The following NDC80 variants were observed in gnomAD, a reference collection of about 807,000 sequenced individuals.
NDC80 encodes the protein NDC80 kinetochore complex component.
Under a neutral mutation model 89.3 loss-of-function variants are expected in NDC80, and 69 were observed. The observed-to-expected ratio is 0.77, with a 90% CI of 0.64 to 0.94. The LOEUF is 0.94. NDC80 is among the 40% of genes least tolerant of loss of function. The probability of loss-of-function intolerance (pLI) is 0.00; values close to 1 mark genes in which losing one functional copy is unlikely to be tolerated. For missense variants in NDC80, 593 were observed against 739.6 expected (o/e 0.80, Z 2.30); for synonymous variants, 243 against 255.6 (o/e 0.95, Z 0.47).
chr18:2,605,577 C>A (rs952925674), intron 13 of NDC80, among the ~76,000 whole-genome samples: 2 of 152,028 alleles, frequency 1.3e-5, no homozygotes, highest in East Asian at 3.9e-4. Context: ...AGAAAAAGTT[C>A]TTGGTGTTAG....
chr18:2,606,066 A>G (rs1397365855), intron 13 of NDC80, among the ~76,000 whole-genome samples: 3 of 151,538 alleles, frequency 2.0e-5, no homozygotes, highest in African/African-American at 4.8e-5. Flanking sequence ...TGTAGTAGAT[A>G]TAGTCTAAAT....
chr18:2,603,348 T>C (rs2072693491), intron 13 of NDC80, among the ~76,000 whole-genome samples: 1 of 122,268 alleles, frequency 8.2e-6, no homozygotes, highest in South Asian at 2.6e-4. Context: ...GAAGAGAATA[T>C]GTTTATACAT....
At chr18:2,601,370 C>A (rs778989089) in intron 12 of NDC80, 26 bp from the exon 13 acceptor site, 10 of 1,146,004 alleles carry the variant, frequency 8.7e-6, no homozygotes, top group Middle Eastern at 4.1e-4. Context: ...TGTTATATGT[C>A]ACCCACATTC....
chr18:2,581,645 C>G (rs2072578752), intron 6 of NDC80, among the ~76,000 whole-genome samples: 1 of 152,188 alleles, frequency 6.6e-6, no homozygotes, highest in Non-Finnish European at 1.5e-5. Context: ...GGCAACAGAG[C>G]AAAACTCCAT....
intron 9 of NDC80, 53 bp downstream of exon 9, chr18:2,589,363 G>A (rs1164945345): frequency 1.2e-5 from 15 of 1,229,360 alleles, no homozygotes; most frequent in Non-Finnish European, 1.8e-5. Context: ...ACTTTTGGGT[G>A]TCCTTGGATA....
intron 5 of NDC80, among the ~76,000 whole-genome samples, 198 bp from the exon 6 acceptor site, chr18:2,578,729 A>G (rs572262344): frequency 2.0e-5 from 3 of 152,268 alleles, no homozygotes; most frequent in Admixed American, 6.5e-5. Context: ...AGCTTCGGGG[A>G]TAGATGTACA....
intron 13 of NDC80, among the ~76,000 whole-genome samples, chr18:2,604,589 G>A (rs1176046014): frequency 2.6e-4 from 40 of 152,294 alleles, no homozygotes; most frequent in Non-Finnish European, 1.5e-5. Context: ...GGCTGAGGTG[G>A]GAGATTGCTT....
chr18:2,584,487 C>T (rs2072594797), intron 6 of NDC80, among the ~76,000 whole-genome samples: 1 of 151,726 alleles, frequency 6.6e-6, no homozygotes, highest in Admixed American at 6.6e-5. Flanking sequence ...ACAGGCATTC[C>T]AAAATGGAAT....
chr18:2,605,170 T>C (rs2143663064), intron 13 of NDC80, among the ~76,000 whole-genome samples: 1 of 152,068 alleles, frequency 6.6e-6, no homozygotes, highest in South Asian at 2.1e-4. Flanking sequence ...AAGAGAAGTA[T>C]ATAGAAGAGA....
chr18:2,611,414 A>G (rs2072743882), intron 16 of NDC80, among the ~76,000 whole-genome samples: 1 of 152,246 alleles, frequency 6.6e-6, no homozygotes, highest in South Asian at 2.1e-4. Context: ...TATGTATTAC[A>G]CCAACAATGT....
intron 6 of NDC80, among the ~76,000 whole-genome samples, chr18:2,579,377 T>A (rs769316750): frequency 6.6e-6 from 1 of 152,172 alleles, no homozygotes; most frequent in Non-Finnish European, 1.5e-5. Flanking sequence ...ATAACCATAA[T>A]CTCCAAACTC....
intron 13 of NDC80, among the ~76,000 whole-genome samples, chr18:2,604,831 A>G (rs1196119623): frequency 6.6e-6 from 1 of 152,198 alleles, no homozygotes; most frequent in African/African-American, 2.4e-5. Flanking sequence ...GTAGAGATCA[A>G]TGAAGATTTA....
At chr18:2,608,971 G>C (rs1598246448) in intron 15 of NDC80, 141 bp downstream of exon 15, 1 of 836,850 alleles carries the variant, frequency 1.2e-6, no homozygotes, top group Non-Finnish European at 1.7e-6. Flanking sequence ...TAGAACTTAA[G>C]TACAACTGCT....
chr18:2,610,479 C>T (rs1319150652), intron 15 of NDC80, among the ~76,000 whole-genome samples: 1 of 152,200 alleles, frequency 6.6e-6, no homozygotes, highest in East Asian at 1.9e-4. Flanking sequence ...TTTGAGTTTA[C>T]AATCCCTTTG....
intron 9 of NDC80, 65 bp from the exon 10 acceptor site, chr18:2,589,953 T>C (rs757145108): frequency 7.2e-5 from 80 of 1,111,088 alleles, no homozygotes; most frequent in Non-Finnish European, 8.9e-5. Context: ...AATATTGCTT[T>C]ACTTTAAAAT....
At chr18:2,598,426 A>C (rs953019086) in intron 11 of NDC80, among the ~76,000 whole-genome samples, 38 of 152,236 alleles carry the variant, frequency 2.5e-4, no homozygotes, top group African/African-American at 8.9e-4. Flanking sequence ...GATGATGGCT[A>C]TGAAGAAAAA....
intron 10 of NDC80, chr18:2,594,466 G>A (rs1191488734): frequency 6.2e-6 from 1 of 162,202 alleles, no homozygotes; most frequent in Non-Finnish European, 1.5e-5. Context: ...ATTGTTTCAT[G>A]GTCCTGAGAA....
At chr18:2,589,832 T>G (rs1300984889) in intron 9 of NDC80, among the ~76,000 whole-genome samples, 186 bp from the exon 10 acceptor site, 4 of 135,726 alleles carry the variant, frequency 2.9e-5, no homozygotes, top group South Asian at 2.1e-4. Context: ...AATTGTGGTT[T>G]TTTTTTTTTT....
At chr18:2,582,212 G>T (rs567274009) in intron 6 of NDC80, 1 of 152,380 alleles carries the variant, frequency 6.6e-6, no homozygotes, top group Non-Finnish European at 1.5e-5. Context: ...AAGTAGCTAG[G>T]ATTACAGGTG....
Sources: allele counts gnomAD v4.1 joint callset (sites outside exome capture counted in the v4.1 genomes callset), GRCh38; gene constraint gnomAD v4.1.1; transcripts MANE v1.5; gene names NCBI Gene and HGNC (gene_info 2026-07-23, HGNC 2026-07-21).